The following CTPS2 variants were observed in gnomAD, a reference collection of about 807,000 sequenced individuals.
CTPS2 encodes CTP synthase II.
Under a neutral mutation model 46.8 loss-of-function variants are expected in CTPS2, and 19 were observed. The observed-to-expected ratio is 0.41, with a 90% CI of 0.28 to 0.60. The LOEUF is 0.60. CTPS2 is among the 20% of genes least tolerant of loss of function. CTPS2 has a pLI of 0.35. For synonymous variants in CTPS2, 151 were observed against 165.2 expected, an observed-to-expected ratio of 0.91 and a Z score of 0.66; for missense variants, 286 against 447.6, an observed-to-expected ratio of 0.64 and a Z score of 3.26.
chrX:16,681,561 T>C (rs1050204930), intron 9 of CTPS2, among the ~76,000 whole-genome samples: 2 of 111,724 alleles, frequency 1.8e-5, no homozygotes, highest in African/African-American at 6.5e-5. Flanking sequence ...GTTTTGTTTT[T>C]TGGAGACAGG....
chrX:16,660,253 T>C (rs1932913897), intron 13 of CTPS2, among the ~76,000 whole-genome samples: 1 of 109,718 alleles, frequency 9.1e-6, no homozygotes. Context: ...TCTCACTCTG[T>C]CACCCAGGCT....
chrX:16,592,297 T>C (rs779700110), intron 17 of CTPS2, among the ~76,000 whole-genome samples: 2 of 112,377 alleles, frequency 1.8e-5, no homozygotes, highest in East Asian at 5.6e-4. Context: ...TCTGTTTTTT[T>C]GTTATCAGGG....
intron 13 of CTPS2, among the ~76,000 whole-genome samples, chrX:16,666,193 T>A (rs191019007): frequency 1.2e-4 from 14 of 112,187 alleles, no homozygotes; most frequent in African/African-American, 4.5e-4. Flanking sequence ...TGGGTGTGCA[T>A]GGGTGGCTGG....
At chrX:16,637,537 C>CTATCA (rs1383442210) in intron 14 of CTPS2, among the ~76,000 whole-genome samples, 2 of 112,703 alleles carry the variant, frequency 1.8e-5, no homozygotes, top group Non-Finnish European at 3.7e-5. Flanking sequence ...AGACTTATAT[C>CTATCA]TATCAAATTT....
chrX:16,636,531 G>A (rs1931756776), intron 14 of CTPS2, among the ~76,000 whole-genome samples: 2 of 112,403 alleles, frequency 1.8e-5, no homozygotes, highest in South Asian at 7.3e-4. Flanking sequence ...CGGGAAGTAG[G>A]GATGGTGACA....
intron 16 of CTPS2, among the ~76,000 whole-genome samples, chrX:16,616,848 C>T (rs761530868): frequency 9.0e-6 from 1 of 111,070 alleles, no homozygotes; most frequent in Non-Finnish European, 1.9e-5. Context: ...GTGCACGCCA[C>T]CACACCTGGC....
intron 1 of CTPS2, 71 bp from the exon 2 acceptor site, chrX:16,703,012 AC>A: frequency 1.6e-6 from 1 of 638,324 alleles, no homozygotes; most frequent in Non-Finnish European, 2.3e-6. Context: ...AGTGTATTCA[AC>A]CAGAATTAAT....
intron 1 of CTPS2, among the ~76,000 whole-genome samples, chrX:16,704,737 C>T (rs1924857836): frequency 9.0e-6 from 1 of 110,832 alleles, no homozygotes; most frequent in Admixed American, 9.7e-5. Context: ...CACCTGAGGT[C>T]GGGAGGTCAA....
Position 16,698,674 on chromosome X carries a change from C to A in CTPS2, c.337+249G>T, listed in dbSNP as rs141691154. On this transcript the variant is annotated intron_variant, in intron 3 of 18. Coordinates refer to ENST00000359276, the MANE Select transcript of CTPS2 (RefSeq NM_175859.3). The stretch of plus-strand genomic sequence containing the variant: ...CGAGCAATTCTCCTGCCTCAGCCTC[C>A]CGAATAGCTGGGATTACAGGCATGC... Among the ~76,000 whole-genome samples, 1,095 of 110,734 alleles carry A rather than the reference C, an allele frequency of 9.9e-3. 18 individuals are homozygous for A. The highest frequency in any genetic ancestry group is 0.034 in the African/African-American group (1,036 of 30,525).
intron 8 of CTPS2, among the ~76,000 whole-genome samples, chrX:16,685,518 G>A (rs1200345144): frequency 9.0e-6 from 1 of 110,585 alleles, no homozygotes; most frequent in African/African-American, 3.3e-5. Context: ...GTGGGAGGGG[G>A]AGGGGAGTCC....
chrX:16,646,459 C>G (rs1054421377), intron 13 of CTPS2, among the ~76,000 whole-genome samples: 14 of 112,611 alleles, frequency 1.2e-4, no homozygotes, highest in African/African-American at 4.2e-4. Flanking sequence ...AGGCTATGGT[C>G]AGGAGACCTC....
intron 6 of CTPS2, among the ~76,000 whole-genome samples, chrX:16,692,464 C>A (rs1299283175): frequency 8.2e-5 from 9 of 110,287 alleles, no homozygotes; most frequent in Non-Finnish European, 1.9e-5. Flanking sequence ...CAGACCCCGT[C>A]TCAAAAAGAA....
chrX:16,628,522 C>T (rs187867122), intron 14 of CTPS2, among the ~76,000 whole-genome samples: 235 of 110,529 alleles, frequency 2.1e-3, no homozygotes, highest in African/African-American at 7.2e-3. Context: ...TGCACCATCA[C>T]GCCTGGCTAA....
chrX:16,698,229 T>C lies in CTPS2; in HGVS notation c.438+7A>G. On this transcript the variant is annotated splice_region_variant and intron_variant, in intron 4 of 18. Transcript: ENST00000359276. ...ATATAATTTTATAAAGAAAGTTCTATGCTTGCCTCAATAACGCATATTTGG... is the reference window on the plus strand; with the variant it reads ...ATATAATTTTATAAAGAAAGTTCTACGCTTGCCTCAATAACGCATATTTGG... The C allele has an allele frequency of 8.6e-7, 1 of 1,161,392 alleles. No individual in the cohort carries two copies. The highest frequency in any genetic ancestry group is 1.8e-5 in the South Asian group (1 of 55,834).
Position 16,671,818 on chromosome X carries a change from A to G in CTPS2, c.1095-1144T>C, listed in dbSNP as rs139317957. On this transcript the variant is annotated intron_variant, in intron 10 of 18. Transcript: ENST00000359276. ...GCGTGAGCCACCATGCCCAGCCTCC[A>G]GTAACATCTTTCTAGTGAAACACGG... Among the ~76,000 whole-genome samples the G allele has an allele frequency of 5.3e-3, 595 of 111,411 alleles. 2 individuals are homozygous for G. The highest frequency in any genetic ancestry group is 0.019 in the African/African-American group (573 of 30,670).
chrX:16,638,991 T>TCA (rs1931907633), intron 14 of CTPS2, 156 bp downstream of exon 14: 2 of 549,779 alleles, frequency 3.6e-6, no homozygotes, highest in Admixed American at 4.6e-5. Flanking sequence ...GAGCAGAGGG[T>TCA]CAGTGAGGGC....
At chrX:16,603,832 G>A (rs1439026907) in intron 17 of CTPS2, among the ~76,000 whole-genome samples, 2 of 110,850 alleles carry the variant, frequency 1.8e-5, no homozygotes, top group African/African-American at 6.6e-5. Flanking sequence ...AAAAAACCCC[G>A]ATATATTGTC....
chrX:16,594,043 A>T (rs1894248492), intron 17 of CTPS2, among the ~76,000 whole-genome samples: 1 of 111,752 alleles, frequency 8.9e-6, no homozygotes, highest in Non-Finnish European at 1.9e-5. Flanking sequence ...ATCTGAGATG[A>T]CATGAAGGTC....
At chrX:16,661,148 C>T (rs1213663667) in intron 13 of CTPS2, among the ~76,000 whole-genome samples, 4 of 110,843 alleles carry the variant, frequency 3.6e-5, no homozygotes, top group Admixed American at 9.6e-5. Flanking sequence ...TTAGTAGAGA[C>T]GGGGTTTCAC....
Sources: gnomAD v4.1 joint callset for allele counts (sites outside exome capture counted in the v4.1 genomes callset) on GRCh38, gnomAD v4.1.1 for gene constraint, MANE v1.5 for transcripts, NCBI Gene and HGNC (gene_info 2026-07-23, HGNC 2026-07-21) for gene names.